The following CCDC15 variants were observed in gnomAD, a reference collection of about 807,000 sequenced individuals.
CCDC15 encodes coiled-coil domain-containing protein 15.
A neutral mutation model predicts 114.5 loss-of-function variants in CCDC15; 105 were observed. The ratio of observed to expected loss-of-function variants is 0.92; its 90% CI spans 0.78 to 1.08. The LOEUF is 1.08. CCDC15 is among the 50% of genes least tolerant of loss of function. The probability of loss-of-function intolerance (pLI) is 0.00; values close to 1 mark genes in which losing one functional copy is unlikely to be tolerated. For missense variants in CCDC15, 1,105 were observed against 1,093.6 expected (o/e 1.01, Z -0.15); for synonymous variants, 334 against 377.8 (o/e 0.88, Z 1.34).
intron 13 of CCDC15, among the ~76,000 whole-genome samples, chr11:125,036,758 C>G (rs956945969): frequency 2.0e-5 from 3 of 152,120 alleles, no homozygotes; most frequent in Admixed American, 6.5e-5. Flanking sequence ...TATTAACAGA[C>G]TGTGATGCAT....
chr11:124,999,811 C>T (rs966134396), intron 11 of CCDC15, among the ~76,000 whole-genome samples: 1 of 150,234 alleles, frequency 6.7e-6, no homozygotes, highest in Non-Finnish European at 1.5e-5. Context: ...GTCACATCTT[C>T]CTGCTTTCTT....
In CCDC15 at chr11:124,959,305, A is replaced by G. The variant is rs372826952; in HGVS notation, c.327+41A>G. ...AGCCTGAGTAAAGATTGAATGGAAA[A>G]TATGTGTGTTATGAGATAAGCTATT... On this transcript the variant is annotated intron_variant, in intron 3 of 15. Coordinates refer to ENST00000344762, the MANE Select transcript of CCDC15 (RefSeq NM_025004.3). 19 of 1,497,914 alleles carry G rather than the reference A, an allele frequency of 1.3e-5. No homozygotes were observed. The African/African-American group carries it at 2.3e-4, about 18-fold the overall frequency. 92.8% of individuals were successfully genotyped at this position (1,497,914 alleles called of 1,614,324 possible). A position where few individuals can be genotyped will look rare whatever the true frequency, so the allele number is the denominator to read the frequency against.
chr11:124,987,351 G>A lies in CCDC15; in HGVS notation c.1125G>A (p.Gln375=). The A allele has an allele frequency of 1.9e-6, 3 of 1,613,580 alleles. No homozygotes were observed. Among genetic ancestry groups the A allele is most frequent in the Non-Finnish European group, 2.5e-6 (3 of 1,179,550 alleles). ...MKVQVTEPEG[Q]AIEPEGQPIK... is the part of the protein sequence containing the mutation. Reference sequence around the variant, plus strand: ...TTCAGGTTACTGAGCCAGAAGGCCAGGCCATTGAGCCAGAAGGCCAGCCTA... The same window carrying A: ...TTCAGGTTACTGAGCCAGAAGGCCAAGCCATTGAGCCAGAAGGCCAGCCTA... The change falls in exon 8 of 16, where the codon CAG becomes CAA. Residue 375 remains glutamine, a synonymous_variant. Coordinates refer to ENST00000344762, the MANE Select transcript of CCDC15 (RefSeq NM_025004.3).
chr11:125,022,393 A>G (rs970876600), intron 13 of CCDC15, among the ~76,000 whole-genome samples: 31 of 152,088 alleles, frequency 2.0e-4, no homozygotes, highest in African/African-American at 6.7e-4. Flanking sequence ...AACGATGTTT[A>G]TGTCCTGTAC....
At chr11:124,975,043 G>A in intron 4 of CCDC15, 53 bp from the exon 5 acceptor site, 1 of 1,140,160 alleles carries the variant, frequency 8.8e-7, no homozygotes, top group Non-Finnish European at 1.2e-6. Context: ...TAGTGCATTT[G>A]GAATTAAAAC....
chr11:125,013,447 A>G (rs1239959856), intron 13 of CCDC15, among the ~76,000 whole-genome samples: 1 of 152,186 alleles, frequency 6.6e-6, no homozygotes, highest in Non-Finnish European at 1.5e-5. Flanking sequence ...TGCATATAGA[A>G]TAATCTAAAA....
intron 4 of CCDC15, among the ~76,000 whole-genome samples, chr11:124,966,112 A>G (rs944514753): frequency 6.6e-6 from 1 of 152,210 alleles, no homozygotes; most frequent in South Asian, 2.1e-4. Context: ...AAGAATGTAT[A>G]TTCTGTTGAT....
At chr11:124,982,982 GTTTATTCTTC>G (rs1256637334) in intron 6 of CCDC15, among the ~76,000 whole-genome samples, 1 of 152,118 alleles carries the variant, frequency 6.6e-6, no homozygotes, top group Non-Finnish European at 1.5e-5. Flanking sequence ...TGGAGGTTTT[GTTTATTCTTC>G]TTTATTCTTT....
At chr11:125,033,281 A>G (rs908723398) in intron 13 of CCDC15, among the ~76,000 whole-genome samples, 1 of 152,236 alleles carries the variant, frequency 6.6e-6, no homozygotes, top group Non-Finnish European at 1.5e-5. Context: ...TTAATTAGCC[A>G]GTGCCAGAGC....
In CCDC15 at chr11:125,007,527, C is replaced by T. The variant is rs183226304; in HGVS notation, c.2411+2315C>T. ...ATATCTTGACAATTGTGAATGGTGCCACAGTAAACATGGGGATACAGGTAT... is the reference window on the plus strand; with the variant it reads ...ATATCTTGACAATTGTGAATGGTGCTACAGTAAACATGGGGATACAGGTAT... On this transcript the variant is annotated intron_variant, in intron 13 of 15. Transcript: ENST00000344762. Among the ~76,000 whole-genome samples the T allele has an allele frequency of 2.6e-5, 4 of 152,186 alleles. No individual in the cohort carries two copies. The South Asian group carries it at 6.2e-4, about 24-fold the overall frequency.
chr11:124,999,854 C>CTTTTTTTTTT (rs768089942), intron 11 of CCDC15, among the ~76,000 whole-genome samples: 2 of 70,122 alleles, frequency 2.9e-5, no homozygotes, highest in Non-Finnish European at 5.3e-5. Flanking sequence ...GTATCCTAGA[C>CTTTTTTTTTT]TTTTTTTTTT....
At chr11:124,978,735 C>T (rs1948017922) in intron 6 of CCDC15, among the ~76,000 whole-genome samples, 1 of 151,684 alleles carries the variant, frequency 6.6e-6, no homozygotes, top group African/African-American at 2.4e-5. Context: ...TATTTTTTCC[C>T]ATTCTGTAGG....
chr11:125,007,832 C>G (rs1026858989), intron 13 of CCDC15, among the ~76,000 whole-genome samples: 1 of 152,088 alleles, frequency 6.6e-6, no homozygotes, highest in Non-Finnish European at 1.5e-5. Context: ...CCCAGGCACC[C>G]GGATGACAAG....
At position 124,993,086 on chromosome 11, in the gene CCDC15, G is replaced by T. The variant is rs1425430817; in HGVS notation, c.2140-83G>T. Reference sequence around the variant, plus strand: ...TCCTCACCTAGTGTCATTACTCTGGGATTGTCACTGAAGTCTATAATACTG... The same window carrying T: ...TCCTCACCTAGTGTCATTACTCTGGTATTGTCACTGAAGTCTATAATACTG... On this transcript the variant is annotated intron_variant, in intron 10 of 15. Transcript: ENST00000344762. 7 of 798,798 alleles carry T rather than the reference G, an allele frequency of 8.8e-6. No homozygotes were observed. The African/African-American group carries it at 1.0e-4, about 12-fold the overall frequency. 49.5% of individuals were successfully genotyped at this position (798,798 alleles called of 1,614,324 possible).
At chr11:124,966,411 A>C (rs1266280737) in intron 4 of CCDC15, among the ~76,000 whole-genome samples, 1 of 150,240 alleles carries the variant, frequency 6.7e-6, no homozygotes, top group African/African-American at 2.4e-5. Context: ...TTGTCTCTTG[A>C]TCTTTATTGG....
At chr11:125,029,920 A>T (rs1948726848) in intron 13 of CCDC15, among the ~76,000 whole-genome samples, 1 of 152,192 alleles carries the variant, frequency 6.6e-6, no homozygotes, top group South Asian at 2.1e-4. Flanking sequence ...GACTGATTTC[A>T]TGTTGAAAGT....
Position 124,987,415 on chromosome 11 carries a change from A to C in CCDC15, c.1189A>C (p.Ser397Arg). ...TCAGGGTATTATGCTGAAAGCCCAG[A>C]GTATTGAGCTAGAAGAAGGGAGTAT... ...ETQGIMLKAQ[S>R]IELEEGSIVL... is the part of the protein sequence containing the mutation. Residue 397 changes from serine to arginine, a missense_variant, in exon 8 of 16, where the codon AGT becomes CGT. Ser to Arg is a moderately radical substitution (Grantham distance 110, BLOSUM62 -1). Coordinates refer to ENST00000344762, the MANE Select transcript of CCDC15 (RefSeq NM_025004.3). 3.1e-6 allele frequency: 5 copies of C among 1,614,014 alleles called. No individual in the cohort carries two copies. The highest frequency in any genetic ancestry group is 4.2e-6 in the Non-Finnish European group (5 of 1,179,896).
At chr11:124,996,553 C>T (rs1948373508) in intron 11 of CCDC15, among the ~76,000 whole-genome samples, 3 of 152,046 alleles carry the variant, frequency 2.0e-5, no homozygotes, top group African/African-American at 4.8e-5. Flanking sequence ...ATATACATAC[C>T]GTAAAATTTC....
chr11:125,031,532 A>C (rs1361162223), intron 13 of CCDC15, among the ~76,000 whole-genome samples: 1 of 152,210 alleles, frequency 6.6e-6, no homozygotes, highest in African/African-American at 2.4e-5. Flanking sequence ...TAGGCAGTTC[A>C]GGTTGCATGA....
Sources: gnomAD v4.1 joint callset for allele counts (sites outside exome capture counted in the v4.1 genomes callset) on GRCh38, gnomAD v4.1.1 for gene constraint, MANE v1.5 for transcripts, NCBI Gene and HGNC (gene_info 2026-07-23, HGNC 2026-07-21) for gene names.